CBFB: variants seen among roughly 807,000 people sequenced by gnomAD.
The protein encoded by CBFB is core-binding factor subunit beta.
CBFB carries 9 observed loss-of-function variants against 30.4 expected under a neutral mutation model. The ratio of observed to expected loss-of-function variants is 0.30; its 90% CI spans 0.18 to 0.52. The LOEUF (loss-of-function observed/expected upper bound fraction) is 0.52, where lower values mean the gene tolerates loss of function less well. Among genes scored for constraint, CBFB ranks in the 20% least tolerant of loss-of-function variants. The pLI is 0.97. For missense variants in CBFB, 170 were observed against 244.0 expected (o/e 0.70, Z 2.02); for synonymous variants, 94 against 84.0 (o/e 1.12, Z -0.65).
rs35804914 is a variant in CBFB at position 67,037,666 on chromosome 16, A to ATT, written c.282+929_282+930dup. Among the ~76,000 whole-genome samples, 927 of 129,280 alleles carry ATT rather than the reference A, an allele frequency of 7.2e-3. 16 individuals carry two copies. Among genetic ancestry groups the ATT allele is most frequent in the African/African-American group, 0.023 (751 of 32,404 alleles). The allele number at this position is 129,280 out of a possible 152,430, so 84.8% of individuals were successfully genotyped here. A position where few individuals can be genotyped will look rare whatever the true frequency, so the allele number is the denominator to read the frequency against. ...CGTTAAATGTATTATGATTTTGGTA[A>ATT]TTTTTTTTTTTTTTTTTTTGAGATG... On this transcript the variant is annotated intron_variant, in intron 3 of 5. Coordinates refer to ENST00000412916, the MANE Select transcript of CBFB (RefSeq NM_022845.3).
At chr16:67,053,819 T>A (rs1483830108) in intron 3 of CBFB, among the ~76,000 whole-genome samples, 1 of 151,468 alleles carries the variant, frequency 6.6e-6, no homozygotes, top group African/African-American at 2.4e-5. Context: ...GCTTCTAGGC[T>A]CACCATGACC....
chr16:67,033,537 C>G (rs1420864136), intron 2 of CBFB, among the ~76,000 whole-genome samples: 1 of 151,244 alleles, frequency 6.6e-6, no homozygotes, highest in Admixed American at 6.6e-5. Context: ...CCAGGCTGGT[C>G]TCCAACTGCT....
At chr16:67,064,314 C>G (rs1023042385) in intron 3 of CBFB, among the ~76,000 whole-genome samples, 1 of 152,202 alleles carries the variant, frequency 6.6e-6, no homozygotes. Context: ...TCAAGCGATT[C>G]TCCTGTCTCA....
At chr16:67,048,660 A>G (rs1317356514) in intron 3 of CBFB, among the ~76,000 whole-genome samples, 1 of 149,756 alleles carries the variant, frequency 6.7e-6, no homozygotes, top group Non-Finnish European at 1.5e-5. Context: ...ATGCCATTCT[A>G]CTGCCTCAGC....
At chr16:67,062,158 T>C (rs754946488) in intron 3 of CBFB, among the ~76,000 whole-genome samples, 11 of 152,048 alleles carry the variant, frequency 7.2e-5, no homozygotes, top group Non-Finnish European at 1.2e-4. Flanking sequence ...AAAAATTTAG[T>C]AATTTTATAA....
chr16:67,044,055 G>A (rs1966580152), intron 3 of CBFB, among the ~76,000 whole-genome samples: 1 of 152,134 alleles, frequency 6.6e-6, no homozygotes, highest in East Asian at 1.9e-4. Flanking sequence ...CAGTTCCTTT[G>A]ATCTTTCCTC....
chr16:67,048,619 C>T (rs930763374), intron 3 of CBFB, among the ~76,000 whole-genome samples: 1 of 152,038 alleles, frequency 6.6e-6, no homozygotes, highest in African/African-American at 2.4e-5. Context: ...GGCATGATCT[C>T]AGCTCACTGC....
chr16:67,084,216 TAAG>T (rs1961654018), intron 5 of CBFB, among the ~76,000 whole-genome samples: 1 of 89,990 alleles, frequency 1.1e-5, no homozygotes, highest in Non-Finnish European at 2.5e-5. Flanking sequence ...ATAATCAAGA[TAAG>T]AACTAATGTG....
At chr16:67,036,835 G>A (rs1408548348) in intron 3 of CBFB, 80 bp downstream of exon 3, 1 of 824,700 alleles carries the variant, frequency 1.2e-6, no homozygotes, top group Admixed American at 1.7e-5. Context: ...TTTTAATAAA[G>A]ATCACAGATC....
At chr16:67,033,408 C>G (rs1020080263) in intron 2 of CBFB, among the ~76,000 whole-genome samples, 2 of 152,034 alleles carry the variant, frequency 1.3e-5, no homozygotes, top group African/African-American at 4.8e-5. Flanking sequence ...GGTGCCATCT[C>G]CGTTCACTGC....
chr16:67,059,392 G>A (rs1960825423), intron 3 of CBFB, among the ~76,000 whole-genome samples: 1 of 152,172 alleles, frequency 6.6e-6, no homozygotes, highest in Admixed American at 6.5e-5. Flanking sequence ...GAGAGAAAAG[G>A]CAGAATGGAG....
At chr16:67,082,617 T>C (rs1314920487) in intron 5 of CBFB, among the ~76,000 whole-genome samples, 1 of 152,190 alleles carries the variant, frequency 6.6e-6, no homozygotes, top group East Asian at 1.9e-4. Context: ...TTTCAAATTA[T>C]TTGTAAAAAT....
chr16:67,092,452 C>T (rs992548031), intron 5 of CBFB, among the ~76,000 whole-genome samples: 3 of 152,038 alleles, frequency 2.0e-5, no homozygotes, highest in Non-Finnish European at 4.4e-5. Context: ...TTCCATAGGT[C>T]TGATTCTGTG....
At chr16:67,088,219 G>T (rs974004778) in intron 5 of CBFB, among the ~76,000 whole-genome samples, 2 of 152,112 alleles carry the variant, frequency 1.3e-5, no homozygotes, top group African/African-American at 4.8e-5. Context: ...GGCACTTAGC[G>T]TGTATATATT....
rs1334157952 is a variant in CBFB, at chr16:67,029,450, G to T, written c.43G>T (p.Glu15Ter). The change falls in exon 1 of 6, where the codon GAG (glutamate) becomes TAG (stop). Residue 15 changes from glutamate (E) to a stop codon, truncating the protein, a stop_gained. Coordinates refer to ENST00000412916, the MANE Select transcript of CBFB (RefSeq NM_022845.3). LOFTEE classifies it high-confidence loss of function. ...CGACCAGAGAAGCAAGTTCGAGAACGAGGAGTTTTTTAGGAAGCTGAGCCG... is the reference window on the plus strand; with the variant it reads ...CGACCAGAGAAGCAAGTTCGAGAACTAGGAGTTTTTTAGGAAGCTGAGCCG... ...VPDQRSKFEN[E>*]EFFRKLSREC... The T allele has an allele frequency of 6.3e-7, 1 of 1,591,642 alleles. No individual in the cohort carries two copies.
intron 5 of CBFB, among the ~76,000 whole-genome samples, chr16:67,089,042 T>C (rs1482215411): frequency 8.5e-5 from 13 of 152,200 alleles, no homozygotes; most frequent in Admixed American, 8.5e-4. Flanking sequence ...CATGATAGGA[T>C]TTAGTGTTTT....
intron 4 of CBFB, among the ~76,000 whole-genome samples, chr16:67,071,890 A>T (rs1197599957): frequency 2.0e-5 from 3 of 152,180 alleles, no homozygotes; most frequent in Non-Finnish European, 4.4e-5. Context: ...ATCACAAAGC[A>T]TGGATTTCAG....
chr16:67,091,425 T>A (rs1452122113), intron 5 of CBFB, among the ~76,000 whole-genome samples: 6 of 152,200 alleles, frequency 3.9e-5, no homozygotes, highest in Non-Finnish European at 1.5e-5. Context: ...TAATTTTGGC[T>A]TTATATTTGA....
intron 4 of CBFB, among the ~76,000 whole-genome samples, chr16:67,069,428 A>G (rs1187616326): frequency 2.0e-5 from 3 of 152,146 alleles, no homozygotes; most frequent in African/African-American, 7.2e-5. Flanking sequence ...AAGTTCACAG[A>G]CTAAATGGTA....
Sources: allele counts gnomAD v4.1 joint callset (sites outside exome capture counted in the v4.1 genomes callset), GRCh38; gene constraint gnomAD v4.1.1; transcripts MANE v1.5; gene names NCBI Gene and HGNC (gene_info 2026-07-23, HGNC 2026-07-21).